The following BTBD2 variants were observed in gnomAD, a reference collection of about 807,000 sequenced individuals.
BTBD2 encodes BTB/POZ domain-containing protein 2.
BTBD2 carries 15 observed loss-of-function variants against 44.0 expected under a neutral mutation model. The ratio of observed to expected loss-of-function variants is 0.34; its 90% CI spans 0.23 to 0.53. BTBD2 has a LOEUF of 0.53. Ranked by LOEUF, BTBD2 falls within the 20% of genes least tolerant of loss-of-function variation. The pLI is 0.95. For missense variants in BTBD2, 657 were observed against 746.4 expected (o/e 0.88, Z 1.39); for synonymous variants, 443 against 335.9 (o/e 1.32, Z -3.49).
At chr19:1,990,243 A>G (rs2016155557) in intron 4 of BTBD2, 42 bp from the exon 5 acceptor site, 1 of 1,549,412 alleles carries the variant, frequency 6.5e-7, no homozygotes, top group Non-Finnish European at 8.7e-7. Context: ...CGACACCCAC[A>G]TGCCCACCCT....
At chr19:1,999,072 A>C (rs2016290328) in intron 1 of BTBD2, among the ~76,000 whole-genome samples, 1 of 151,690 alleles carries the variant, frequency 6.6e-6, no homozygotes, top group Admixed American at 6.6e-5. Context: ...CGACCTCCAC[A>C]CAGCTCCCGG....
chr19:2,011,803 C>T (rs1214317586), intron 1 of BTBD2, among the ~76,000 whole-genome samples: 1 of 152,132 alleles, frequency 6.6e-6, no homozygotes, highest in African/African-American at 2.4e-5. Flanking sequence ...CACAGGCCTT[C>T]ATCGTGGCCA....
intron 1 of BTBD2, among the ~76,000 whole-genome samples, chr19:2,009,200 CTTTT>C (rs1555688052): frequency 2.3e-5 from 1 of 43,802 alleles, no homozygotes; most frequent in South Asian, 7.1e-4. Flanking sequence ...TGTGGTTTTT[CTTTT>C]TTCTTCTTTT....
intron 2 of BTBD2, among the ~76,000 whole-genome samples, chr19:1,996,362 C>A (rs1189196665): frequency 1.3e-5 from 2 of 152,076 alleles, no homozygotes; most frequent in African/African-American, 4.8e-5. Context: ...TAGGATTATA[C>A]TGACTGCAGA....
intron 1 of BTBD2, among the ~76,000 whole-genome samples, chr19:2,005,341 G>A (rs958861974): frequency 2.0e-5 from 3 of 148,848 alleles, no homozygotes; most frequent in Non-Finnish European, 3.0e-5. Context: ...TTTGAGGCAG[G>A]GTCTCACTCT....
chr19:2,015,231 A>G (rs1220128225), intron 1 of BTBD2, 66 bp downstream of exon 1: 6 of 1,333,376 alleles, frequency 4.5e-6, no homozygotes, highest in Non-Finnish European at 5.8e-6. Flanking sequence ...GCAGGGCCTC[A>G]GGTGCAGGGC....
chr19:1,997,280 T>A, intron 2 of BTBD2, 64 bp downstream of exon 2: 1 of 1,607,238 alleles, frequency 6.2e-7, no homozygotes, highest in South Asian at 1.1e-5. Context: ...AGACAGGGTC[T>A]ACGTTCTCTG....
chr19:2,006,520 AAG>A (rs72111603), intron 1 of BTBD2, among the ~76,000 whole-genome samples: 22,957 of 147,020 alleles, frequency 0.16, 1,794 homozygotes, highest in East Asian at 0.27. Context: ...AAAAAAAAAA[AAG>A]AAAAGAAAAA....
At chr19:2,007,575 C>T (rs1029339491) in intron 1 of BTBD2, among the ~76,000 whole-genome samples, 2 of 152,190 alleles carry the variant, frequency 1.3e-5, no homozygotes, top group African/African-American at 4.8e-5. Flanking sequence ...GTAGCTCACA[C>T]CTGTAATCCC....
intron 1 of BTBD2, chr19:2,013,426 G>T: frequency 1.2e-6 from 1 of 814,470 alleles, no homozygotes; most frequent in Non-Finnish European, 1.5e-6. Flanking sequence ...CCCCGGAGCT[G>T]GGGGTCTCTG....
Position 2,015,616 on chromosome 19 carries a change from C to T in BTBD2, c.88G>A (p.Ala30Thr). 5 of 972,726 alleles carry T rather than the reference C, an allele frequency of 5.1e-6. No individual in the cohort carries two copies. Among genetic ancestry groups the T allele is most frequent in the Non-Finnish European group, 4.8e-6 (4 of 825,508 alleles). The allele number at this position is 972,726 out of a possible 1,614,324, so 60.3% of individuals were successfully genotyped here. Reference sequence around the variant, plus strand: ...GGGGCCGGGGTGGCGGCGGCGTTGGCGCTGGGCCCGGGACTGCCCCCCGTG... The same window carrying T: ...GGGGCCGGGGTGGCGGCGGCGTTGGTGCTGGGCCCGGGACTGCCCCCCGTG... ...PGTGGSPGPS[A>T]NAAATPAPGN... The change falls in exon 1 of 9, where the codon GCC becomes ACC. Residue 30 changes from alanine (A) to threonine (T), a missense_variant. Coordinates refer to ENST00000255608, the MANE Select transcript of BTBD2 (RefSeq NM_017797.4).
intron 1 of BTBD2, among the ~76,000 whole-genome samples, chr19:1,998,139 A>C (rs544236358): frequency 1.4e-4 from 22 of 152,242 alleles, no homozygotes; most frequent in Middle Eastern, 3.4e-3. Context: ...TCATCCACTT[A>C]GTCTCATTAT....
At position 2,015,506 on chromosome 19, in the gene BTBD2, C is replaced by T; in HGVS notation, c.198G>A (p.Gly66=). ...GPTPPAPPGP[G]TDAQAAGAER... ...CCGCGCCCGCGGCCTGCGCGTCTGT[C>T]CCGGGGCCCGGCGGGGCGGGCGGCG... The change falls in exon 1 of 9, where the codon GGG becomes GGA. Residue 66 remains glycine (G), a synonymous_variant. Coordinates refer to ENST00000255608, the MANE Select transcript of BTBD2 (RefSeq NM_017797.4). 9.9e-7 allele frequency: 1 copy of T among 1,007,290 alleles called. No individual in the cohort carries two copies. Among genetic ancestry groups the T allele is most frequent in the Non-Finnish European group, 1.2e-6 (1 of 847,174 alleles). 62.4% of individuals were successfully genotyped at this position (1,007,290 alleles called of 1,614,324 possible). A position where few individuals can be genotyped will look rare whatever the true frequency, so the allele number is the denominator to read the frequency against.
rs2016526062 is a variant in BTBD2 at position 2,015,601 on chromosome 19, T to TGGC, written c.100_102dup (p.Ala34dup). The TGGC allele has an allele frequency of 1.0e-6, 1 of 966,466 alleles. No individual in the cohort carries two copies. The highest frequency in any genetic ancestry group is 1.2e-6 in the Non-Finnish European group (1 of 821,464). The allele number at this position is 966,466 out of a possible 1,614,324, so 59.9% of individuals were successfully genotyped here. On this transcript the variant is annotated inframe_insertion, in exon 1 of 9. Coordinates refer to ENST00000255608, the MANE Select transcript of BTBD2 (RefSeq NM_017797.4). Reference sequence around the variant, plus strand: ...GCGGCCGCGTTGCCGGGGGCCGGGGTGGCGGCGGCGTTGGCGCTGGGCCCG... The same window carrying TGGC: ...GCGGCCGCGTTGCCGGGGGCCGGGGTGGCGGCGGCGGCGTTGGCGCTGGGCCCG...
chr19:1,997,584 T>G, intron 1 of BTBD2, 121 bp from the exon 2 acceptor site: 2 of 1,422,182 alleles, frequency 1.4e-6, no homozygotes, highest in Non-Finnish European at 1.9e-6. Flanking sequence ...CCAGCAGGCA[T>G]GTACCAGGCC....
chr19:1,993,612 A>G (rs1470232977), intron 2 of BTBD2, among the ~76,000 whole-genome samples: 1 of 152,102 alleles, frequency 6.6e-6, no homozygotes, highest in Non-Finnish European at 1.5e-5. Context: ...CACGCTAATT[A>G]GGATCATGGA....
chr19:1,997,306 G>A, intron 2 of BTBD2, 38 bp downstream of exon 2: 3 of 1,613,196 alleles, frequency 1.9e-6, no homozygotes, highest in Non-Finnish European at 2.5e-6. Flanking sequence ...CCCCTCCCCA[G>A]GCCCAGCTCC....
chr19:1,998,010 C>T (rs1402507821), intron 1 of BTBD2, among the ~76,000 whole-genome samples: 2 of 152,164 alleles, frequency 1.3e-5, no homozygotes, highest in Non-Finnish European at 2.9e-5. Context: ...GATTCATTCC[C>T]GTGGGCATGC....
chr19:1,987,347 CG>C (rs2145615875), intron 6 of BTBD2, 94 bp from the exon 7 acceptor site: 1 of 1,475,846 alleles, frequency 6.8e-7, no homozygotes, highest in Non-Finnish European at 9.3e-7. Context: ...TCCCCTCCAT[CG>C]TCCCTGAGTC....
Sources: gnomAD v4.1 joint callset for allele counts (sites outside exome capture counted in the v4.1 genomes callset) on GRCh38, gnomAD v4.1.1 for gene constraint, MANE v1.5 for transcripts, NCBI Gene and HGNC (gene_info 2026-07-23, HGNC 2026-07-21) for gene names.